AGPAT4: variants seen among roughly 807,000 people sequenced by gnomAD.
AGPAT4 encodes 1-acylglycerol-3-phosphate O-acyltransferase 4, also known as 1-acyl-sn-glycerol-3-phosphate acyltransferase delta.
In AGPAT4, 15 loss-of-function variants were observed where a neutral mutation model predicts 48.0. That is an observed-to-expected ratio of 0.31 (90% CI 0.21 to 0.48). The LOEUF is 0.48. Among genes scored for constraint, AGPAT4 ranks in the 20% least tolerant of loss-of-function variants. The probability of loss-of-function intolerance (pLI) is 0.99; values close to 1 mark genes in which losing one functional copy is unlikely to be tolerated. For missense variants in AGPAT4, 314 were observed against 482.5 expected, an observed-to-expected ratio of 0.65 and a Z score of 3.27; for synonymous variants, 178 against 198.7, an observed-to-expected ratio of 0.90 and a Z score of 0.88.
chr6:161,161,853 C>G lies in AGPAT4; in HGVS notation c.348+4395G>C, dbSNP rs1451110098. ...AAATCCTTCGTTTAAAGAGGCAGCA[C>G]AGGGCTTTATGGGCGCCCTCACGCA... On this transcript the variant is annotated intron_variant, in intron 3 of 8. Coordinates refer to ENST00000320285, the MANE Select transcript of AGPAT4 (RefSeq NM_020133.3). This position sits in a 1 kb window ranked among gnomAD's most constrained non-coding sequence, Gnocchi z 4.6. The G allele has an allele frequency of 4.4e-5, 12 of 272,456 alleles. No individual in the cohort carries two copies. In the Admixed American group the frequency reaches 5.4e-4, roughly 12 times the overall value. 16.9% of individuals were successfully genotyped at this position (272,456 alleles called of 1,614,324 possible). A position where few individuals can be genotyped will look rare whatever the true frequency, so the allele number is the denominator to read the frequency against.
rs1780199698 is a variant in AGPAT4 at position 161,169,283 on chromosome 6, G to C, written c.179-2866C>G. On this transcript the variant is annotated intron_variant, in intron 2 of 8. Coordinates refer to ENST00000320285, the MANE Select transcript of AGPAT4 (RefSeq NM_020133.3). The surrounding 1 kb of genome is among the most constrained non-coding windows in gnomAD (Gnocchi z 5.0). ...ATCTGAAAAAAAAATCACTCTGATT[G>C]AAACAAGAACAGACTGGAATAGGGA... 6.6e-6 allele frequency among the ~76,000 whole-genome samples: 1 copy of C among 152,148 alleles called. No individual in the cohort carries two copies. Among genetic ancestry groups the C allele is most frequent in the African/African-American group, 2.4e-5 (1 of 41,444 alleles).
In AGPAT4 at chr6:161,220,652, G is replaced by A. The variant is rs1338393272; in HGVS notation, c.178+11384C>T. Among the ~76,000 whole-genome samples the A allele has an allele frequency of 3.3e-5, 5 of 152,158 alleles. No homozygotes were observed. Among genetic ancestry groups the A allele is most frequent in the African/African-American group, 9.7e-5 (4 of 41,430 alleles). The stretch of plus-strand genomic sequence containing the variant: ...GCAATGCCCCCACCTGATTTGTGAC[G>A]GGTGTCCCTCTCCTATTGCCCTTCT... On this transcript the variant is annotated intron_variant, in intron 2 of 8. Coordinates refer to ENST00000320285, the MANE Select transcript of AGPAT4 (RefSeq NM_020133.3). This position sits in a 1 kb window ranked among gnomAD's most constrained non-coding sequence, Gnocchi z 6.0.
intron 5 of AGPAT4, among the ~76,000 whole-genome samples, chr6:161,150,205 G>A (rs373530149): frequency 3.9e-5 from 6 of 152,214 alleles, no homozygotes; most frequent in African/African-American, 1.2e-4. Flanking sequence ...AATGCACAGT[G>A]GAAAATGGCT....
In AGPAT4 at chr6:161,178,374, G is replaced by A. The variant is rs12203960; in HGVS notation, c.179-11957C>T. On this transcript the variant is annotated intron_variant, in intron 2 of 8. Transcript: ENST00000320285. The surrounding 1 kb of genome is among the most constrained non-coding windows in gnomAD (Gnocchi z 5.1). Reference sequence around the variant, plus strand: ...GAACCTCGCTGCCGCCTTGCAGTTCGATCAGACTTCTGTGCTAGCAATGAG... The same window carrying A: ...GAACCTCGCTGCCGCCTTGCAGTTCAATCAGACTTCTGTGCTAGCAATGAG... Among the ~76,000 whole-genome samples, 3 of 152,188 alleles carry A rather than the reference G, an allele frequency of 2.0e-5. No individual in the cohort carries two copies. The highest frequency in any genetic ancestry group is 2.1e-4 in the South Asian group (1 of 4,832).
At chr6:161,265,592 C>T (rs1396751861) in intron 1 of AGPAT4, among the ~76,000 whole-genome samples, 1 of 152,132 alleles carries the variant, frequency 6.6e-6, no homozygotes, top group Non-Finnish European at 1.5e-5. Context: ...TAATGAAATC[C>T]CCAGGTGGGA....
chr6:161,153,927 C>T (rs973630991), intron 4 of AGPAT4, among the ~76,000 whole-genome samples: 2 of 151,886 alleles, frequency 1.3e-5, no homozygotes, highest in Non-Finnish European at 2.9e-5. Flanking sequence ...TCACACACGG[C>T]CCCATGGTCA....
intron 2 of AGPAT4, among the ~76,000 whole-genome samples, chr6:161,176,669 T>C (rs1379147398): frequency 5.3e-5 from 8 of 152,340 alleles, no homozygotes; most frequent in South Asian, 2.1e-4. Context: ...ATGTGTGAAT[T>C]TGATCCTGTC....
chr6:161,183,926 G>C (rs1232277706), intron 2 of AGPAT4, among the ~76,000 whole-genome samples: 1 of 152,004 alleles, frequency 6.6e-6, no homozygotes. Context: ...CAGTGGGCAA[G>C]GACGAAGGGA....
chr6:161,273,563 C>A (rs936026553), intron 1 of AGPAT4, among the ~76,000 whole-genome samples: 4 of 152,116 alleles, frequency 2.6e-5, no homozygotes, highest in African/African-American at 9.7e-5. Context: ...TAGGAACATT[C>A]CCCCCACCAC....
chr6:161,271,640 C>T (rs1783427146), intron 1 of AGPAT4, among the ~76,000 whole-genome samples: 1 of 152,246 alleles, frequency 6.6e-6, no homozygotes, highest in African/African-American at 2.4e-5. Flanking sequence ...GCTTTAACCT[C>T]TACTCAGCAT....
Position 161,232,222 on chromosome 6 carries a change from G to A in AGPAT4, c.-9C>T. Reference sequence around the variant, plus strand: ...AGTCCCGCGAGGTCCATGATGCGTGGACGCTCTTATTCAGAAATAAATAAC... The same window carrying A: ...AGTCCCGCGAGGTCCATGATGCGTGAACGCTCTTATTCAGAAATAAATAAC... On this transcript the variant is annotated 5_prime_UTR_variant, in exon 2 of 9. Coordinates refer to ENST00000320285, the MANE Select transcript of AGPAT4 (RefSeq NM_020133.3). The surrounding 1 kb of genome is among the most constrained non-coding windows in gnomAD (Gnocchi z 6.8). 6.2e-7 allele frequency: 1 copy of A among 1,612,522 alleles called. No individual in the cohort carries two copies. The highest frequency in any genetic ancestry group is 8.5e-7 in the Non-Finnish European group (1 of 1,179,376).
chr6:161,130,922 G>A lies in AGPAT4; in HGVS notation c.*5618C>T, dbSNP rs1778881169. ...CCAAAATTCCATGGATGACTTTTCT[G>A]AATGTCCTAGAATGTTTGGCAAAGA... On this transcript the variant is annotated 3_prime_UTR_variant, in exon 9 of 9. Transcript: ENST00000320285. The A allele has an allele frequency of 1.9e-6, 1 of 518,740 alleles. No homozygotes were observed. Among genetic ancestry groups the A allele is most frequent in the African/African-American group, 1.9e-5 (1 of 51,960 alleles). 32.1% of individuals were successfully genotyped at this position (518,740 alleles called of 1,614,324 possible).
At position 161,233,722 on chromosome 6, in the gene AGPAT4, G is replaced by A. The variant is rs1782192154; in HGVS notation, c.-89-1420C>T. 6.6e-6 allele frequency among the ~76,000 whole-genome samples: 1 copy of A among 152,200 alleles called. No homozygotes were observed. Among genetic ancestry groups the A allele is most frequent in the African/African-American group, 2.4e-5 (1 of 41,450 alleles). On this transcript the variant is annotated intron_variant, in intron 1 of 8. Transcript: ENST00000320285. The surrounding 1 kb of genome is among the most constrained non-coding windows in gnomAD (Gnocchi z 5.4). ...AATGTGCTGAACATGTTTAAGGCAGGCGAGGCTAAACGATGATGTTTGGTA... is the reference window on the plus strand; with the variant it reads ...AATGTGCTGAACATGTTTAAGGCAGACGAGGCTAAACGATGATGTTTGGTA...
intron 1 of AGPAT4, among the ~76,000 whole-genome samples, chr6:161,239,609 G>A (rs1486884843): frequency 6.6e-6 from 1 of 152,164 alleles, no homozygotes; most frequent in Non-Finnish European, 1.5e-5. Flanking sequence ...TAATGCTCCT[G>A]CCCACTTTAG....
rs2114766746 is a variant in AGPAT4 at position 161,270,752 on chromosome 6, AG to A, written c.-90+3185del. ...AGCCGAGATCACGCCATTGCACTCCAGCCTGGGCGACAGAGCAAGACTTCAT... is the reference window on the plus strand; with the variant it reads ...AGCCGAGATCACGCCATTGCACTCCACCTGGGCGACAGAGCAAGACTTCAT... On this transcript the variant is annotated intron_variant, in intron 1 of 8. Transcript: ENST00000320285. This position sits in a 1 kb window ranked among gnomAD's most constrained non-coding sequence, Gnocchi z 5.3. Among the ~76,000 whole-genome samples, 1 of 152,286 alleles carries A rather than the reference AG, an allele frequency of 6.6e-6. No homozygotes were observed. Among genetic ancestry groups the A allele is most frequent in the South Asian group, 2.1e-4 (1 of 4,824 alleles).
chr6:161,139,479 T>A lies in AGPAT4; in HGVS notation c.985A>T (p.Met329Leu). The change falls in exon 8 of 9, where the codon ATG becomes TTG. Residue 329 changes from methionine to leucine, a missense_variant. Transcript: ENST00000320285. The surrounding 1 kb of genome is among the most constrained non-coding windows in gnomAD (Gnocchi z 9.1). ...GTCAGGGAAGACCCGCTCCTGATCA[T>A]GCTGACCAGGAACTGGAAGAAAGGG... ...LYPFFQFLVS[M>L]IRSGSSLTLA... The A allele has an allele frequency of 6.2e-7, 1 of 1,613,980 alleles. No individual in the cohort carries two copies. Among genetic ancestry groups the A allele is most frequent in the South Asian group, 1.1e-5 (1 of 91,068 alleles).
chr6:161,191,881 C>G (rs1780931617), intron 2 of AGPAT4, among the ~76,000 whole-genome samples: 1 of 152,208 alleles, frequency 6.6e-6, no homozygotes, highest in East Asian at 1.9e-4. Flanking sequence ...TTCCTGACTA[C>G]AGTCTTGAAC....
rs950099834 is a variant in AGPAT4 at position 161,189,068 on chromosome 6, A to G, written c.179-22651T>C. On this transcript the variant is annotated intron_variant, in intron 2 of 8. Transcript: ENST00000320285. The surrounding 1 kb of genome is among the most constrained non-coding windows in gnomAD (Gnocchi z 5.3). The stretch of plus-strand genomic sequence containing the variant: ...ATTTTGAAGTAATAAATCTGTGCCT[A>G]TTTTATATCCCCATCTTTAAAACAT... Among the ~76,000 whole-genome samples the G allele has an allele frequency of 1.3e-5, 2 of 152,160 alleles. No homozygotes were observed. The highest frequency in any genetic ancestry group is 4.8e-5 in the African/African-American group (2 of 41,432).
chr6:161,154,535 G>A lies in AGPAT4; in HGVS notation c.349-225C>T, dbSNP rs1380771900. 1.3e-5 allele frequency among the ~76,000 whole-genome samples: 2 copies of A among 152,150 alleles called. No individual in the cohort carries two copies. Among genetic ancestry groups the A allele is most frequent in the South Asian group, 2.1e-4 (1 of 4,824 alleles). On this transcript the variant is annotated intron_variant, in intron 3 of 8. Coordinates refer to ENST00000320285, the MANE Select transcript of AGPAT4 (RefSeq NM_020133.3). The surrounding 1 kb of genome is among the most constrained non-coding windows in gnomAD (Gnocchi z 7.8). ...CTGCCAGTGTGGGAGCAGGGGGCAG[G>A]GGCACCCTGGTTCTCAGCGCAGACG...
Sources: gnomAD v4.1 joint callset for allele counts (sites outside exome capture counted in the v4.1 genomes callset) on GRCh38, gnomAD v4.1.1 for gene constraint, Gnocchi (gnomAD v3.1) non-coding constraint, MANE v1.5 for transcripts, NCBI Gene and HGNC (gene_info 2026-07-23, HGNC 2026-07-21) for gene names.